WWOX: variants seen among roughly 807,000 people sequenced by gnomAD.
WWOX encodes WW domain-containing oxidoreductase.
A neutral mutation model predicts 46.2 loss-of-function variants in WWOX; 69 were observed. That is an observed-to-expected ratio of 1.49 (90% confidence interval 1.23 to 1.82). The LOEUF is 1.82. WWOX is among the 40% of genes most tolerant of loss of function. The probability of loss-of-function intolerance (pLI) is 0.00; values close to 1 mark genes in which losing one functional copy is unlikely to be tolerated. For synonymous variants in WWOX, 359 were observed against 202.6 expected, an observed-to-expected ratio of 1.77 and a Z score of -6.56; for missense variants, 919 against 542.6, an observed-to-expected ratio of 1.69 and a Z score of -6.89.
intron 8 of WWOX, among the ~76,000 whole-genome samples, chr16:78,982,740 C>G (rs2046708045): frequency 6.6e-6 from 1 of 152,156 alleles, no homozygotes; most frequent in Non-Finnish European, 1.5e-5. Context: ...TTGAATCCTG[C>G]AAACCCTCGA....
Position 78,809,297 on chromosome 16 carries a change from G to A in WWOX, c.1056+376545G>A, listed in dbSNP as rs578099254. ...GGGGGGAAACAGGAACCAAAGCAAA[G>A]CCAATAGAGATCTTGAAAAAAAAAA... On this transcript the variant is annotated intron_variant, in intron 8 of 8. Coordinates refer to ENST00000566780, the MANE Select transcript of WWOX (RefSeq NM_016373.4). Among the ~76,000 whole-genome samples the A allele has an allele frequency of 2.8e-3, 368 of 129,800 alleles. 2 individuals are homozygous for A. Among genetic ancestry groups the A allele is most frequent in the African/African-American group, 0.01 (342 of 34,168 alleles). 85.2% of individuals were successfully genotyped at this position (129,800 alleles called of 152,430 possible).
intron 8 of WWOX, among the ~76,000 whole-genome samples, chr16:78,621,234 G>A (rs992432767): frequency 3.9e-5 from 6 of 152,090 alleles, no homozygotes; most frequent in South Asian, 2.1e-4. Flanking sequence ...TGCCAAGCTC[G>A]GTGGAATTGT....
intron 5 of WWOX, among the ~76,000 whole-genome samples, chr16:78,361,675 G>C (rs551257929): frequency 1.3e-5 from 2 of 152,040 alleles, no homozygotes; most frequent in Non-Finnish European, 2.9e-5. Flanking sequence ...GTAATGGTGC[G>C]ATATCGGCTC....
chr16:78,774,180 A>T (rs2050131316), intron 8 of WWOX, among the ~76,000 whole-genome samples: 1 of 152,160 alleles, frequency 6.6e-6, no homozygotes, highest in Non-Finnish European at 1.5e-5. Context: ...AGGCAGGCAG[A>T]TCATGAGGTC....
At chr16:78,298,562 C>T (rs868597056) in intron 5 of WWOX, among the ~76,000 whole-genome samples, 21 of 152,076 alleles carry the variant, frequency 1.4e-4, no homozygotes, top group Admixed American at 5.2e-4. Context: ...GAGGCCGAGG[C>T]GGGCAGATCA....
intron 8 of WWOX, among the ~76,000 whole-genome samples, chr16:78,479,553 A>T (rs1204148764): frequency 6.6e-6 from 1 of 152,220 alleles, no homozygotes; most frequent in East Asian, 1.9e-4. Flanking sequence ...ATAGAATAAG[A>T]TATTTTCATA....
intron 8 of WWOX, among the ~76,000 whole-genome samples, chr16:78,685,310 C>A (rs2047829163): frequency 6.6e-6 from 1 of 152,060 alleles, no homozygotes; most frequent in Non-Finnish European, 1.5e-5. Flanking sequence ...CCTTGGGAAG[C>A]TATTCTGCAG....
intron 3 of WWOX, among the ~76,000 whole-genome samples, chr16:78,110,351 A>T (rs1414131501): frequency 6.6e-6 from 1 of 151,646 alleles, no homozygotes; most frequent in Non-Finnish European, 1.5e-5. Flanking sequence ...AAAAAAAAAA[A>T]AAAAAAAAAA....
intron 8 of WWOX, among the ~76,000 whole-genome samples, chr16:78,539,896 G>C (rs1002628723): frequency 6.6e-6 from 1 of 151,974 alleles, no homozygotes; most frequent in Non-Finnish European, 1.5e-5. Context: ...GATAGGATCA[G>C]ATCCAGTACA....
chr16:78,376,586 G>T (rs566558312), intron 5 of WWOX, among the ~76,000 whole-genome samples: 1 of 152,150 alleles, frequency 6.6e-6, no homozygotes, highest in Non-Finnish European at 1.5e-5. Context: ...CAAACCACAC[G>T]CAGGCATCCT....
At chr16:78,401,890 G>A (rs2082422360) in intron 6 of WWOX, among the ~76,000 whole-genome samples, 2 of 151,978 alleles carry the variant, frequency 1.3e-5, no homozygotes, top group Admixed American at 1.3e-4. Flanking sequence ...AGTAGACACG[G>A]GGTTTCACCA....
At chr16:78,446,115 G>C (rs2083555385) in intron 8 of WWOX, among the ~76,000 whole-genome samples, 1 of 152,068 alleles carries the variant, frequency 6.6e-6, no homozygotes, top group South Asian at 2.1e-4. Context: ...TTCTTCCTTT[G>C]GTGTGATAAA....
chr16:78,997,138 G>C (rs992641032), intron 8 of WWOX, among the ~76,000 whole-genome samples: 1 of 151,918 alleles, frequency 6.6e-6, no homozygotes, highest in African/African-American at 2.4e-5. Context: ...AGTGGTTCGT[G>C]TGTGTGCCTG....
At chr16:78,241,428 GGTTT>G (rs948188439) in intron 5 of WWOX, among the ~76,000 whole-genome samples, 1 of 151,774 alleles carries the variant, frequency 6.6e-6, no homozygotes, top group African/African-American at 2.4e-5. Context: ...TTGTTTTTTT[GGTTT>G]GTTTGTTTGT....
intron 5 of WWOX, among the ~76,000 whole-genome samples, chr16:78,307,537 G>A (rs1372348770): frequency 1.3e-5 from 2 of 152,212 alleles, no homozygotes; most frequent in East Asian, 3.9e-4. Flanking sequence ...AAAGAGGTGA[G>A]AAATGGATTA....
chr16:78,989,095 T>G (rs1273698176), intron 8 of WWOX, among the ~76,000 whole-genome samples: 1 of 152,074 alleles, frequency 6.6e-6, no homozygotes, highest in Non-Finnish European at 1.5e-5. Context: ...AATGATCCCT[T>G]TTTGGAGTCC....
intron 8 of WWOX, among the ~76,000 whole-genome samples, chr16:78,630,138 T>TTGAATGAA (rs556656279): frequency 6.6e-6 from 1 of 152,072 alleles, no homozygotes; most frequent in African/African-American, 2.4e-5. Context: ...AAAATAATTG[T>TTGAATGAA]TGAATGAATG....
At chr16:78,687,922 T>A (rs2047899332) in intron 8 of WWOX, among the ~76,000 whole-genome samples, 1 of 152,114 alleles carries the variant, frequency 6.6e-6, no homozygotes, top group Non-Finnish European at 1.5e-5. Flanking sequence ...TTTTGCTAAT[T>A]GTGCTAGAAA....
chr16:78,555,227 A>G (rs1045548510), intron 8 of WWOX, among the ~76,000 whole-genome samples: 2 of 150,128 alleles, frequency 1.3e-5, no homozygotes. Context: ...AGGCATGTGT[A>G]TATTTCTAAA....
Sources: allele counts gnomAD v4.1 joint callset (sites outside exome capture counted in the v4.1 genomes callset), GRCh38; gene constraint gnomAD v4.1.1; transcripts MANE v1.5; gene names NCBI Gene and HGNC (gene_info 2026-07-23, HGNC 2026-07-21).